GRB10: variants seen among roughly 807,000 people sequenced by gnomAD.
GRB10 encodes growth factor receptor bound protein 10.
GRB10 carries 20 observed loss-of-function variants against 80.9 expected under a neutral mutation model. That is an observed-to-expected ratio of 0.25 (90% CI 0.17 to 0.36). The LOEUF (loss-of-function observed/expected upper bound fraction) is 0.36, where lower values mean the gene tolerates loss of function less well. Among genes scored for constraint, GRB10 ranks in the 10% least tolerant of loss-of-function variants. The pLI is 1.00. For synonymous variants in GRB10, 291 were observed against 291.5 expected (o/e 1.00, Z 0.02); for missense variants, 548 against 747.7 (o/e 0.73, Z 3.12).
chr7:50,633,844 TAAG>T (rs2054460759), intron 7 of GRB10, among the ~76,000 whole-genome samples: 2 of 151,964 alleles, frequency 1.3e-5, no homozygotes, highest in South Asian at 4.1e-4. Flanking sequence ...TTAGCCCAGA[TAAG>T]AAGAAACAAC....
At chr7:50,717,614 C>T (rs1364398985) in intron 4 of GRB10, among the ~76,000 whole-genome samples, 2 of 152,244 alleles carry the variant, frequency 1.3e-5, no homozygotes, top group Non-Finnish European at 2.9e-5. Flanking sequence ...TCCTTATCCA[C>T]CACTGAAGCT....
intron 3 of GRB10, among the ~76,000 whole-genome samples, chr7:50,755,113 C>A (rs563977875): frequency 1.3e-5 from 2 of 152,222 alleles, no homozygotes; most frequent in Non-Finnish European, 2.9e-5. Flanking sequence ...GCCAGCCAGT[C>A]TGCGGGATAC....
chr7:50,704,338 C>A (rs765506757), intron 4 of GRB10, among the ~76,000 whole-genome samples: 1 of 152,178 alleles, frequency 6.6e-6, no homozygotes, highest in Non-Finnish European at 1.5e-5. Flanking sequence ...GTTCCCTCTA[C>A]AAAATGTTAA....
chr7:50,733,654 C>T (rs981722954), intron 3 of GRB10, among the ~76,000 whole-genome samples: 2 of 152,222 alleles, frequency 1.3e-5, no homozygotes, highest in African/African-American at 2.4e-5. Context: ...GTGCCCGCAT[C>T]CACCCTTCAC....
Position 50,614,788 on chromosome 7 carries a change from G to A in GRB10, c.1077C>T (p.Asp359=). The A allele has an allele frequency of 6.2e-7, 1 of 1,613,248 alleles. No homozygotes were observed. The highest frequency in any genetic ancestry group is 8.5e-7 in the Non-Finnish European group (1 of 1,179,254). ...TGGGTACCTTTATGCAGAGCCCGTG[G>A]TCTGTAGGGGCGTTGTACTGCTTCC... is the stretch of plus-strand genomic sequence containing the variant. ...AGRKQYNAPT[D]HGLCIKPNKV... Residue 359 remains aspartate, a synonymous_variant, in exon 12 of 19, where the codon GAC becomes GAT. Coordinates refer to ENST00000401949, the MANE Select transcript of GRB10 (RefSeq NM_001350814.2).
At chr7:50,762,317 G>C (rs1441252427) in intron 2 of GRB10, among the ~76,000 whole-genome samples, 1 of 150,668 alleles carries the variant, frequency 6.6e-6, no homozygotes, top group Non-Finnish European at 1.5e-5. Context: ...ATACATACGA[G>C]ATCCTTTGAA....
chr7:50,602,064 T>A (rs74438925), intron 17 of GRB10, among the ~76,000 whole-genome samples: 10 of 83,682 alleles, frequency 1.2e-4, no homozygotes, highest in Non-Finnish European at 2.2e-4. Context: ...AAATCCAAAC[T>A]AACAACAAAA....
chr7:50,786,893 C>A (rs1463308939), upstream of GRB10, among the ~76,000 whole-genome samples: 1 of 152,338 alleles, frequency 6.6e-6, no homozygotes, highest in South Asian at 2.1e-4. Context: ...CTGCTGAAAG[C>A]AGAAAGGCAC....
chr7:50,606,201 A>G (rs2048492132), intron 14 of GRB10, 136 bp downstream of exon 14: 1 of 796,816 alleles, frequency 1.3e-6, no homozygotes, highest in East Asian at 2.4e-5. Context: ...ATCGTGGGAC[A>G]TACTGGCTTC....
chr7:50,595,535 G>T lies in GRB10; in HGVS notation c.1545-5C>A, dbSNP rs773648659. The stretch of plus-strand genomic sequence containing the variant: ...CTGTCACGGAGGAGAAAAAGCCTGG[G>T]GAAGGGAAAATAGTTGATTGCTAAA... On this transcript the variant is annotated splice_polypyrimidine_tract_variant and splice_region_variant and intron_variant, in intron 17 of 18. Coordinates refer to ENST00000401949, the MANE Select transcript of GRB10 (RefSeq NM_001350814.2). 3.2e-6 allele frequency: 5 copies of T among 1,569,434 alleles called. No individual in the cohort carries two copies. The highest frequency in any genetic ancestry group is 4.4e-6 in the Non-Finnish European group (5 of 1,139,952).
intron 3 of GRB10, among the ~76,000 whole-genome samples, chr7:50,744,160 G>A (rs889332070): frequency 3.9e-5 from 6 of 152,092 alleles, no homozygotes; most frequent in Non-Finnish European, 7.3e-5. Flanking sequence ...TCAGAGTACT[G>A]CCTCAATCGT....
intron 17 of GRB10, 54 bp from the exon 18 acceptor site, chr7:50,595,584 C>T: frequency 1.5e-6 from 1 of 652,932 alleles, no homozygotes; most frequent in East Asian, 3.0e-5. Flanking sequence ...TGGAACTAAT[C>T]ACACACACAC....
intron 5 of GRB10, among the ~76,000 whole-genome samples, chr7:50,675,283 G>C (rs1163997627): frequency 1.3e-5 from 2 of 152,212 alleles, no homozygotes; most frequent in African/African-American, 4.8e-5. Flanking sequence ...ACAGAGGAAG[G>C]CATGGGGCAG....
chr7:50,647,631 A>G (rs996321090), intron 7 of GRB10, among the ~76,000 whole-genome samples: 1 of 152,270 alleles, frequency 6.6e-6, no homozygotes, highest in African/African-American at 2.4e-5. Flanking sequence ...AAAAACATTC[A>G]GCAAAGGGCT....
upstream of GRB10, among the ~76,000 whole-genome samples, chr7:50,783,744 A>G (rs2078550010): frequency 6.6e-6 from 1 of 152,222 alleles, no homozygotes; most frequent in Non-Finnish European, 1.5e-5. Flanking sequence ...AACAGTCAAC[A>G]GTGGACAATG....
chr7:50,674,813 T>C (rs189362604), intron 5 of GRB10, among the ~76,000 whole-genome samples, 155 bp from the exon 6 acceptor site: 2 of 152,356 alleles, frequency 1.3e-5, no homozygotes, highest in Admixed American at 6.5e-5. Flanking sequence ...AGTATGACTG[T>C]ATGGAAGCAT....
At chr7:50,762,173 T>A (rs187073498) in intron 2 of GRB10, among the ~76,000 whole-genome samples, 5 of 151,996 alleles carry the variant, frequency 3.3e-5, no homozygotes, top group Admixed American at 3.3e-4. Context: ...ATCTGAACGT[T>A]TAGTAAGATT....
At chr7:50,703,640 T>C (rs1428021987) in intron 5 of GRB10, among the ~76,000 whole-genome samples, 181 bp downstream of exon 5, 1 of 152,196 alleles carries the variant, frequency 6.6e-6, no homozygotes, top group Non-Finnish European at 1.5e-5. Context: ...AGGAAATACA[T>C]GAAGATATCA....
upstream of GRB10, among the ~76,000 whole-genome samples, chr7:50,786,128 A>T (rs1230367429): frequency 1.3e-5 from 2 of 152,162 alleles, no homozygotes; most frequent in African/African-American, 4.8e-5. Context: ...AAGAAATTCA[A>T]AATGAAAATA....
Sources: allele counts gnomAD v4.1 joint callset (sites outside exome capture counted in the v4.1 genomes callset), GRCh38; gene constraint gnomAD v4.1.1; transcripts MANE v1.5; gene names NCBI Gene and HGNC (gene_info 2026-07-23, HGNC 2026-07-21).